Variants in FOXP1 observed in about 807,000 individuals in gnomAD.
The protein encoded by FOXP1 is forkhead box P1.
Under a neutral mutation model 98.2 loss-of-function variants are expected in FOXP1, and 15 were observed. That is an observed-to-expected ratio of 0.15 (90% confidence interval 0.10 to 0.24). FOXP1 has a LOEUF of 0.24. Ranked by LOEUF, FOXP1 falls within the 10% of genes least tolerant of loss-of-function variation. FOXP1 has a pLI of 1.00. For missense variants in FOXP1, 633 were observed against 848.5 expected, an observed-to-expected ratio of 0.75 and a Z score of 3.15; for synonymous variants, 371 against 314.5, an observed-to-expected ratio of 1.18 and a Z score of -1.90.
At chr3:71,069,818 T>C (rs1306817762) in intron 7 of FOXP1, among the ~76,000 whole-genome samples, 1 of 152,228 alleles carries the variant, frequency 6.6e-6, no homozygotes. Flanking sequence ...AACGTTTACT[T>C]ATGTAGAAAT....
Position 70,980,451 on chromosome 3 carries a change from T to C in FOXP1, c.1147-2422A>G, listed in dbSNP as rs760401585. Among the ~76,000 whole-genome samples the C allele has an allele frequency of 3.9e-5, 6 of 152,204 alleles. 1 individual carries two copies. The highest frequency in any genetic ancestry group is 7.3e-5 in the Non-Finnish European group (5 of 68,032). On this transcript the variant is annotated intron_variant, in intron 14 of 20. Coordinates refer to ENST00000649528, the MANE Select transcript of FOXP1 (RefSeq NM_001349338.3). ...ACTGTGTGGTCTCCTTCAATTCTCA[T>C]ACCACCACTAATATCTGAGATGTTA...
chr3:71,535,931 C>T (rs1028567759), intron 2 of FOXP1, among the ~76,000 whole-genome samples: 1 of 152,152 alleles, frequency 6.6e-6, no homozygotes, highest in African/African-American at 2.4e-5. Context: ...AGGCTCCTAA[C>T]AAGAACACTA....
chr3:71,156,697 A>ACAT (rs2060840499), intron 6 of FOXP1, among the ~76,000 whole-genome samples: 1 of 152,238 alleles, frequency 6.6e-6, no homozygotes, highest in African/African-American at 2.4e-5. Flanking sequence ...TGGTAATTCA[A>ACAT]CATCATCCAA....
intron 5 of FOXP1, among the ~76,000 whole-genome samples, chr3:71,217,872 A>C (rs1339582437): frequency 6.6e-6 from 1 of 152,108 alleles, no homozygotes; most frequent in Non-Finnish European, 1.5e-5. Flanking sequence ...TCCAAACTCT[A>C]CTTCTCCCTC....
chr3:71,521,165 G>A (rs1313306487), intron 2 of FOXP1, among the ~76,000 whole-genome samples: 1 of 152,062 alleles, frequency 6.6e-6, no homozygotes, highest in African/African-American at 2.4e-5. Context: ...CTCCTGAAAG[G>A]GATGGACAGA....
intron 12 of FOXP1, among the ~76,000 whole-genome samples, chr3:71,015,307 G>T (rs2044296786): frequency 6.6e-6 from 1 of 151,902 alleles, no homozygotes; most frequent in Non-Finnish European, 1.5e-5. Context: ...CTGAAAAATG[G>T]GTAAATATGG....
chr3:71,372,029 T>C (rs934542855), intron 3 of FOXP1, among the ~76,000 whole-genome samples: 2 of 151,826 alleles, frequency 1.3e-5, no homozygotes, highest in African/African-American at 4.8e-5. Context: ...TTTTTTTTTT[T>C]TGAGATGGAG....
chr3:71,271,069 A>G (rs2070302934), intron 5 of FOXP1, among the ~76,000 whole-genome samples: 1 of 152,212 alleles, frequency 6.6e-6, no homozygotes, highest in African/African-American at 2.4e-5. Context: ...CGACTCTGCT[A>G]AAAATACAAA....
At chr3:71,064,148 T>A (rs1412799493) in intron 7 of FOXP1, among the ~76,000 whole-genome samples, 1 of 152,174 alleles carries the variant, frequency 6.6e-6, no homozygotes, top group African/African-American at 2.4e-5. Context: ...GCCAGAGTGT[T>A]CCATTCGCTC....
At chr3:71,522,399 G>A (rs1284422752) in intron 2 of FOXP1, among the ~76,000 whole-genome samples, 1 of 152,196 alleles carries the variant, frequency 6.6e-6, no homozygotes, top group Non-Finnish European at 1.5e-5. Flanking sequence ...ATAGGAAATT[G>A]GGGCACTTAA....
chr3:71,140,787 T>C (rs996394969), intron 6 of FOXP1, among the ~76,000 whole-genome samples: 1 of 151,916 alleles, frequency 6.6e-6, no homozygotes, highest in Non-Finnish European at 1.5e-5. Flanking sequence ...AAAGAGGACT[T>C]TGAGAAAGGA....
intron 11 of FOXP1, among the ~76,000 whole-genome samples, chr3:71,025,317 G>A (rs1416527560): frequency 6.6e-6 from 1 of 152,000 alleles, no homozygotes; most frequent in African/African-American, 2.4e-5. Context: ...AATCCGATTC[G>A]GTGGTTCTGG....
intron 2 of FOXP1, among the ~76,000 whole-genome samples, chr3:71,514,791 C>G (rs941233410): frequency 6.6e-6 from 1 of 152,224 alleles, no homozygotes; most frequent in Non-Finnish European, 1.5e-5. Context: ...AATGCTCTCG[C>G]CCACTGGGCC....
Position 71,274,079 on chromosome 3 carries a change from C to T in FOXP1, c.-12+25741G>A, listed in dbSNP as rs116795130. Among the ~76,000 whole-genome samples the T allele has an allele frequency of 4.7e-3, 719 of 152,254 alleles. 3 individuals are homozygous for T. Among genetic ancestry groups the T allele is most frequent in the African/African-American group, 0.016 (661 of 41,548 alleles). ...CCCAAGTAGAAATGAAGGAGCCCTC[C>T]CTTCCAATTCCTTGGGTCGAATATT... On this transcript the variant is annotated intron_variant, in intron 5 of 20. Transcript: ENST00000649528.
chr3:71,258,340 G>A (rs1295392876), intron 5 of FOXP1, among the ~76,000 whole-genome samples: 2 of 152,178 alleles, frequency 1.3e-5, no homozygotes, highest in African/African-American at 4.8e-5. Flanking sequence ...AAAAAAGACA[G>A]AGGATTGGCA....
At chr3:71,001,163 C>CTGG in intron 12 of FOXP1, 104 bp from the exon 13 acceptor site, 1 of 818,428 alleles carries the variant, frequency 1.2e-6, no homozygotes. Context: ...GTCTAGCTCC[C>CTGG]AGGAGATAGT....
At chr3:71,330,509 T>C (rs937485073) in intron 4 of FOXP1, among the ~76,000 whole-genome samples, 1 of 152,230 alleles carries the variant, frequency 6.6e-6, no homozygotes, top group East Asian at 1.9e-4. Context: ...AGTCAGCGGT[T>C]CAGCAAACAG....
chr3:71,546,662 G>T (rs952368599), intron 2 of FOXP1, among the ~76,000 whole-genome samples: 31 of 151,686 alleles, frequency 2.0e-4, no homozygotes, highest in African/African-American at 7.5e-4. Context: ...ATGCAGCGAA[G>T]CACACCTCCA....
intron 2 of FOXP1, among the ~76,000 whole-genome samples, chr3:71,526,714 T>A (rs978596701): frequency 3.3e-5 from 5 of 152,120 alleles, no homozygotes; most frequent in Admixed American, 1.3e-4. Flanking sequence ...ACGCCTATAA[T>A]CCCAGCACTT....
Sources: gnomAD v4.1 joint callset for allele counts (sites outside exome capture counted in the v4.1 genomes callset) on GRCh38, gnomAD v4.1.1 for gene constraint, MANE v1.5 for transcripts, NCBI Gene and HGNC (gene_info 2026-07-23, HGNC 2026-07-21) for gene names.